The following BBX variants were observed in gnomAD, a reference collection of about 807,000 sequenced individuals.
BBX encodes the protein BBX high mobility group box domain containing.
Under a neutral mutation model 100.2 loss-of-function variants are expected in BBX, and 30 were observed. The ratio of observed to expected loss-of-function variants is 0.30; its 90% CI spans 0.22 to 0.41. The LOEUF is 0.41. Ranked by LOEUF, BBX falls within the 10% of genes least tolerant of loss-of-function variation. BBX has a pLI of 1.00. For synonymous variants in BBX, 376 were observed against 388.1 expected (o/e 0.97, Z 0.37); for missense variants, 1,023 against 1,129.8 (o/e 0.91, Z 1.35).
At chr3:107,730,473 T>TTTG (rs1282863439) in intron 6 of BBX, among the ~76,000 whole-genome samples, 10 of 148,122 alleles carry the variant, frequency 6.8e-5, no homozygotes, top group African/African-American at 1.5e-4. Context: ...GGGTATGTAG[T>TTTG]TTGTTGTTGT....
At chr3:107,604,286 C>T (rs1002888423) in intron 2 of BBX, among the ~76,000 whole-genome samples, 1 of 152,090 alleles carries the variant, frequency 6.6e-6, no homozygotes, top group Non-Finnish European at 1.5e-5. Context: ...TGGTATGTGT[C>T]CTCTTAGGTC....
At chr3:107,717,913 A>G (rs889058138) in intron 5 of BBX, among the ~76,000 whole-genome samples, 3 of 151,996 alleles carry the variant, frequency 2.0e-5, no homozygotes, top group African/African-American at 7.2e-5. Flanking sequence ...TGTCACCCAA[A>G]CACTTGGTTA....
intron 7 of BBX, among the ~76,000 whole-genome samples, chr3:107,741,107 CAG>C (rs748436906): frequency 6.6e-6 from 1 of 151,766 alleles, no homozygotes; most frequent in Non-Finnish European, 1.5e-5. Flanking sequence ...ACGTATGGCT[CAG>C]ATACTACCAG....
intron 3 of BBX, among the ~76,000 whole-genome samples, chr3:107,693,332 G>T (rs1198387223): frequency 2.0e-5 from 3 of 151,786 alleles, no homozygotes; most frequent in Non-Finnish European, 2.9e-5. Flanking sequence ...ATGGTTTTAG[G>T]TCTAACGTTT....
At chr3:107,630,416 A>AG (rs200096421) in intron 2 of BBX, among the ~76,000 whole-genome samples, 5 of 152,050 alleles carry the variant, frequency 3.3e-5, no homozygotes, top group African/African-American at 1.2e-4. Flanking sequence ...GCACGATGCG[A>AG]GGGGGGAACT....
intron 2 of BBX, among the ~76,000 whole-genome samples, chr3:107,554,665 T>C (rs529124321): frequency 1.3e-5 from 2 of 152,212 alleles, no homozygotes; most frequent in Non-Finnish European, 2.9e-5. Flanking sequence ...TTTTCTAGAT[T>C]TCTAGAAAGA....
intron 3 of BBX, among the ~76,000 whole-genome samples, chr3:107,708,487 A>G (rs754930417): frequency 4.6e-5 from 7 of 152,250 alleles, no homozygotes; most frequent in Non-Finnish European, 7.4e-5. Context: ...CAGACTGGCC[A>G]ATATGGTGAA....
intron 14 of BBX, among the ~76,000 whole-genome samples, 181 bp from the exon 15 acceptor site, chr3:107,791,059 G>A (rs1367190570): frequency 6.6e-6 from 1 of 152,078 alleles, no homozygotes; most frequent in African/African-American, 2.4e-5. Context: ...TCCATTTTCT[G>A]TACAGCCTCA....
intron 4 of BBX, 71 bp downstream of exon 4, chr3:107,710,693 C>A: frequency 1.5e-6 from 2 of 1,352,786 alleles, no homozygotes; most frequent in South Asian, 1.5e-5. Flanking sequence ...CAATAGTGAA[C>A]ATGAATGATA....
chr3:107,787,721 G>A (rs908504263), intron 13 of BBX, among the ~76,000 whole-genome samples: 2 of 152,188 alleles, frequency 1.3e-5, no homozygotes, highest in African/African-American at 4.8e-5. Context: ...TGGGCATGGG[G>A]TTGGCTTGCA....
intron 4 of BBX, among the ~76,000 whole-genome samples, chr3:107,714,623 A>G (rs1576468016): frequency 6.6e-6 from 1 of 152,248 alleles, no homozygotes; most frequent in South Asian, 2.1e-4. Flanking sequence ...AATTATTGTT[A>G]CCATTATATA....
chr3:107,565,443 T>TTTA (rs1553727727), intron 2 of BBX, among the ~76,000 whole-genome samples: 1 of 136,966 alleles, frequency 7.3e-6, no homozygotes, highest in Admixed American at 7.3e-5. Flanking sequence ...AATAGTTTTA[T>TTTA]TTTATTTATT....
intron 2 of BBX, among the ~76,000 whole-genome samples, chr3:107,563,583 ACATG>A (rs1260547980): frequency 6.6e-6 from 1 of 152,228 alleles, no homozygotes. Flanking sequence ...CACAAGTAAT[ACATG>A]AATACATTTT....
chr3:107,712,715 C>A (rs1390641647), intron 4 of BBX, among the ~76,000 whole-genome samples: 1 of 152,160 alleles, frequency 6.6e-6, no homozygotes, highest in Non-Finnish European at 1.5e-5. Context: ...CCATTCTCAA[C>A]AAAGCAGCCA....
At chr3:107,704,959 T>C (rs981897511) in intron 3 of BBX, among the ~76,000 whole-genome samples, 5 of 152,074 alleles carry the variant, frequency 3.3e-5, no homozygotes, top group Non-Finnish European at 5.9e-5. Flanking sequence ...TGGGAGACTT[T>C]TAAGGTGAGA....
intron 7 of BBX, among the ~76,000 whole-genome samples, chr3:107,738,806 G>A (rs1486274182): frequency 2.6e-5 from 4 of 152,200 alleles, no homozygotes; most frequent in Non-Finnish European, 5.9e-5. Context: ...GCCAGGCACT[G>A]TGTTCACAGT....
At chr3:107,791,041 A>C (rs749200480) in intron 14 of BBX, among the ~76,000 whole-genome samples, 199 bp from the exon 15 acceptor site, 26 of 152,184 alleles carry the variant, frequency 1.7e-4, no homozygotes, top group Non-Finnish European at 3.4e-4. Flanking sequence ...CAAAAATTTT[A>C]TTTTTAATCC....
intron 2 of BBX, among the ~76,000 whole-genome samples, chr3:107,643,886 T>C (rs750059675): frequency 3.5e-4 from 54 of 152,304 alleles, no homozygotes; most frequent in Non-Finnish European, 5.6e-4. Context: ...GATAGACTTA[T>C]CACAGGCAGG....
At chr3:107,533,854 TAGAC>T (rs756894601) in intron 2 of BBX, among the ~76,000 whole-genome samples, 2 of 152,182 alleles carry the variant, frequency 1.3e-5, no homozygotes, top group South Asian at 4.1e-4. Flanking sequence ...AAAATAAAAA[TAGAC>T]AGTGTTTTCT....
Sources: gnomAD v4.1 joint callset for allele counts (sites outside exome capture counted in the v4.1 genomes callset) on GRCh38, gnomAD v4.1.1 for gene constraint, MANE v1.5 for transcripts, NCBI Gene and HGNC (gene_info 2026-07-23, HGNC 2026-07-21) for gene names.